The following GABRB2 variants were observed in gnomAD, a reference collection of about 807,000 sequenced individuals.
GABRB2 encodes the protein gamma-aminobutyric acid receptor subunit beta-2.
GABRB2 carries 16 observed loss-of-function variants against 54.7 expected under a neutral mutation model. The ratio of observed to expected loss-of-function variants is 0.29; its 90% CI spans 0.20 to 0.44. GABRB2 has a LOEUF of 0.44. GABRB2 is among the 20% of genes least tolerant of loss of function. The pLI is 1.00. For missense variants in GABRB2, 355 were observed against 644.0 expected (o/e 0.55, Z 4.86); for synonymous variants, 244 against 233.8 (o/e 1.04, Z -0.40).
At chr5:161,430,007 T>G (rs1163805581) in intron 4 of GABRB2, among the ~76,000 whole-genome samples, 1 of 152,154 alleles carries the variant, frequency 6.6e-6, no homozygotes, top group African/African-American at 2.4e-5. Flanking sequence ...TGTCCTAATT[T>G]TAAAAGTATT....
chr5:161,294,340 G>C lies in GABRB2; in HGVS notation c.1280C>G (p.Pro427Arg). Residue 427 changes from proline to arginine, a missense_variant, in exon 10 of 10, where the codon CCC (proline) becomes CGC (arginine). Coordinates refer to ENST00000393959, the MANE Select transcript of GABRB2 (RefSeq NM_001371727.1). Reference protein sequence around the residue: ...TSEAVMGLGDPRSTMLAYDAS... With the variant: ...TSEAVMGLGDRRSTMLAYDAS... ...ATCATAGGCTAGCATTGTGCTTCTG[G>C]GGTCTCCAAGTCCCATCACAGCCTC... 6.2e-7 allele frequency: 1 copy of C among 1,614,070 alleles called. No individual in the cohort carries two copies. The highest frequency in any genetic ancestry group is 8.5e-7 in the Non-Finnish European group (1 of 1,179,990).
At chr5:161,517,483 A>C (rs1759983348) in intron 3 of GABRB2, among the ~76,000 whole-genome samples, 1 of 152,152 alleles carries the variant, frequency 6.6e-6, no homozygotes, top group African/African-American at 2.4e-5. Context: ...CATAGGTTGA[A>C]GTCAATTGAG....
chr5:161,443,839 A>C (rs1757533476), intron 4 of GABRB2, among the ~76,000 whole-genome samples: 2 of 152,184 alleles, frequency 1.3e-5, no homozygotes, highest in Admixed American at 1.3e-4. Flanking sequence ...CAATGAGTAG[A>C]GCAGTAATTT....
intron 5 of GABRB2, among the ~76,000 whole-genome samples, chr5:161,370,246 G>A (rs1036866794): frequency 2.6e-5 from 4 of 152,260 alleles, no homozygotes; most frequent in Admixed American, 2.6e-4. Flanking sequence ...CTAAAAAGGA[G>A]GACTATAGTG....
chr5:161,384,873 CT>C (rs1337159034), intron 5 of GABRB2, among the ~76,000 whole-genome samples: 1 of 152,074 alleles, frequency 6.6e-6, no homozygotes, highest in African/African-American at 2.4e-5. Flanking sequence ...GAAGAATTGC[CT>C]CTGGATGTAT....
At chr5:161,422,503 T>C (rs1185426983) in intron 4 of GABRB2, among the ~76,000 whole-genome samples, 1 of 152,176 alleles carries the variant, frequency 6.6e-6, no homozygotes, top group African/African-American at 2.4e-5. Flanking sequence ...AATCAAGTTG[T>C]ATAGTATGAT....
intron 6 of GABRB2, among the ~76,000 whole-genome samples, chr5:161,335,784 T>A (rs1437610938): frequency 6.6e-6 from 1 of 152,150 alleles, no homozygotes; most frequent in Non-Finnish European, 1.5e-5. Context: ...AGTTTCTGTT[T>A]GTCGTTGTTG....
chr5:161,324,620 C>T (rs1580979857), intron 9 of GABRB2, among the ~76,000 whole-genome samples: 1 of 152,072 alleles, frequency 6.6e-6, no homozygotes, highest in African/African-American at 2.4e-5. Flanking sequence ...CTATAAAATC[C>T]ACTAATCTTC....
chr5:161,351,338 C>A (rs930405507), intron 5 of GABRB2, among the ~76,000 whole-genome samples: 2 of 151,948 alleles, frequency 1.3e-5, no homozygotes, highest in African/African-American at 2.4e-5. Context: ...ATGGTACTGG[C>A]ATAAAAACAA....
chr5:161,364,246 A>G (rs768209629), intron 5 of GABRB2, among the ~76,000 whole-genome samples: 2 of 152,184 alleles, frequency 1.3e-5, no homozygotes, highest in Non-Finnish European at 2.9e-5. Context: ...TTCTATAACC[A>G]TAATTATATT....
At chr5:161,318,146 A>G (rs1758099599) in intron 9 of GABRB2, among the ~76,000 whole-genome samples, 1 of 152,054 alleles carries the variant, frequency 6.6e-6, no homozygotes, top group African/African-American at 2.4e-5. Flanking sequence ...AATTAGAAAG[A>G]AAACAATATG....
At chr5:161,436,953 C>T (rs1757329027) in intron 4 of GABRB2, among the ~76,000 whole-genome samples, 1 of 152,058 alleles carries the variant, frequency 6.6e-6, no homozygotes. Flanking sequence ...CAGCCCTAGC[C>T]AGAGGGGAAT....
rs189769215 is a variant in GABRB2 at position 161,363,771 on chromosome 5, T to G, written c.542-27002A>C. Among the ~76,000 whole-genome samples, 413 of 152,280 alleles carry G rather than the reference T, an allele frequency of 2.7e-3. 2 individuals are homozygous for G. Among genetic ancestry groups the G allele is most frequent in the African/African-American group, 9.7e-3 (402 of 41,572 alleles). Reference sequence around the variant, plus strand: ...TCTTTAGCTGCAGAAACACAAACTATATTTACAAATAAGGCTGGATAGAAC... The same window carrying G: ...TCTTTAGCTGCAGAAACACAAACTAGATTTACAAATAAGGCTGGATAGAAC... On this transcript the variant is annotated intron_variant, in intron 5 of 9. Transcript: ENST00000393959.
intron 5 of GABRB2, among the ~76,000 whole-genome samples, chr5:161,390,814 C>T (rs1316869778): frequency 3.3e-5 from 5 of 152,272 alleles, no homozygotes; most frequent in Middle Eastern, 3.4e-3. Flanking sequence ...CATCCCACAA[C>T]GTAAGGCTTT....
intron 9 of GABRB2, among the ~76,000 whole-genome samples, chr5:161,302,168 G>A (rs1246393781): frequency 5.9e-5 from 9 of 152,156 alleles, no homozygotes. Flanking sequence ...TTTCCAGACT[G>A]ACCCATGTGA....
intron 3 of GABRB2, among the ~76,000 whole-genome samples, chr5:161,501,680 TTG>T (rs1049862476): frequency 6.6e-5 from 10 of 152,138 alleles, no homozygotes; most frequent in South Asian, 2.1e-4. Context: ...TTTAGGTGTA[TTG>T]TGTTTGTGTC....
chr5:161,382,673 C>G (rs888012937), intron 5 of GABRB2, among the ~76,000 whole-genome samples: 1 of 152,164 alleles, frequency 6.6e-6, no homozygotes, highest in African/African-American at 2.4e-5. Context: ...GACCTAAAAT[C>G]TAGTCACTGG....
intron 4 of GABRB2, among the ~76,000 whole-genome samples, chr5:161,446,868 T>A (rs1757627431): frequency 6.6e-6 from 1 of 152,042 alleles, no homozygotes; most frequent in African/African-American, 2.4e-5. Context: ...GCCTCCAAGT[T>A]TTTGAGTCAC....
chr5:161,397,582 T>G (rs751750679), intron 5 of GABRB2, among the ~76,000 whole-genome samples: 1 of 152,196 alleles, frequency 6.6e-6, no homozygotes, highest in Non-Finnish European at 1.5e-5. Flanking sequence ...GAAACAAATT[T>G]AAGAAACAAA....
Sources: allele counts gnomAD v4.1 joint callset (sites outside exome capture counted in the v4.1 genomes callset), GRCh38; gene constraint gnomAD v4.1.1; transcripts MANE v1.5; gene names NCBI Gene and HGNC (gene_info 2026-07-23, HGNC 2026-07-21).